Variants in GNAL observed in about 807,000 individuals in gnomAD.
The protein encoded by GNAL is guanine nucleotide-binding protein G(olf) subunit alpha.
Under a neutral mutation model 55.1 loss-of-function variants are expected in GNAL, and 18 were observed. The ratio of observed to expected loss-of-function variants is 0.33; its 90% confidence interval spans 0.23 to 0.48. The LOEUF is 0.48. Ranked by LOEUF, GNAL falls within the 20% of genes least tolerant of loss-of-function variation. GNAL has a pLI of 0.99. For synonymous variants in GNAL, 253 were observed against 237.0 expected (o/e 1.07, Z -0.62); for missense variants, 412 against 614.1 (o/e 0.67, Z 3.48).
chr18:11,873,573 C>A (rs1033251013), intron 10 of GNAL, among the ~76,000 whole-genome samples: 3 of 152,276 alleles, frequency 2.0e-5, no homozygotes, highest in Non-Finnish European at 4.4e-5. Context: ...CAGAGGGTCA[C>A]TCAGCGTGAG....
rs895000581 is a variant in GNAL, at chr18:11,884,957, C to T, written c.*3822C>T. The T allele has an allele frequency of 1.6e-4, 202 of 1,290,476 alleles. No individual in the cohort carries two copies. The highest frequency in any genetic ancestry group is 2.0e-4 in the Non-Finnish European group (196 of 998,524). 79.9% of individuals were successfully genotyped at this position (1,290,476 alleles called of 1,614,324 possible). ...CCATAACAGAGATTCAGAGAGGCACCGTGGAGTTCCAGGGTCATCGGTCAG... is the reference window on the plus strand; with the variant it reads ...CCATAACAGAGATTCAGAGAGGCACTGTGGAGTTCCAGGGTCATCGGTCAG... On this transcript the variant is annotated 3_prime_UTR_variant, in exon 12 of 12. Transcript: ENST00000334049.
At chr18:11,730,362 G>A (rs893782267) in intron 1 of GNAL, among the ~76,000 whole-genome samples, 3 of 151,756 alleles carry the variant, frequency 2.0e-5, no homozygotes, top group Non-Finnish European at 2.9e-5. Context: ...GTTTCCCCAC[G>A]TTGGCCACGC....
chr18:11,818,998 G>A (rs964395526), intron 4 of GNAL, among the ~76,000 whole-genome samples: 6 of 152,222 alleles, frequency 3.9e-5, no homozygotes, highest in Admixed American at 1.3e-4. Context: ...CCCCCAGCAT[G>A]GCGAGTGGGA....
chr18:11,711,740 A>T (rs1326038517), intron 1 of GNAL, among the ~76,000 whole-genome samples: 1 of 151,720 alleles, frequency 6.6e-6, no homozygotes, highest in Non-Finnish European at 1.5e-5. Flanking sequence ...GTTACTGGTG[A>T]TTTGTTTTGT....
intron 4 of GNAL, among the ~76,000 whole-genome samples, chr18:11,777,616 A>G (rs543126486): frequency 1.4e-4 from 21 of 152,208 alleles, no homozygotes; most frequent in Admixed American, 2.6e-4. Flanking sequence ...TTTGCCTGTA[A>G]TGTAATTAGC....
intron 4 of GNAL, among the ~76,000 whole-genome samples, chr18:11,766,360 A>G (rs1293774788): frequency 2.6e-5 from 4 of 152,222 alleles, no homozygotes; most frequent in Non-Finnish European, 5.9e-5. Flanking sequence ...CACTACACAA[A>G]GCAATTCCAT....
At chr18:11,737,440 G>A (rs1487480342) in intron 1 of GNAL, among the ~76,000 whole-genome samples, 1 of 152,084 alleles carries the variant, frequency 6.6e-6, no homozygotes, top group African/African-American at 2.4e-5. Context: ...GGTCTTCCAA[G>A]TCTCTCTGAA....
At chr18:11,776,085 T>A (rs182526354) in intron 4 of GNAL, among the ~76,000 whole-genome samples, 1 of 152,294 alleles carries the variant, frequency 6.6e-6, no homozygotes, top group East Asian at 1.9e-4. Flanking sequence ...AGCTAAAAAA[T>A]CAACAGCATC....
At chr18:11,713,314 C>T (rs2031879942) in intron 1 of GNAL, among the ~76,000 whole-genome samples, 1 of 152,216 alleles carries the variant, frequency 6.6e-6, no homozygotes, top group South Asian at 2.1e-4. Flanking sequence ...CAGATATTCC[C>T]TGATTGGAGG....
intron 4 of GNAL, among the ~76,000 whole-genome samples, chr18:11,768,935 ATT>A (rs1248448756): frequency 7.6e-6 from 1 of 131,384 alleles, no homozygotes; most frequent in Non-Finnish European, 1.6e-5. Flanking sequence ...TATTATATAT[ATT>A]ATATATATTA....
chr18:11,759,215 T>C (rs2033159857), intron 4 of GNAL, among the ~76,000 whole-genome samples: 1 of 152,070 alleles, frequency 6.6e-6, no homozygotes, highest in African/African-American at 2.4e-5. Context: ...AAGAAAAATG[T>C]TGTGGTTGCC....
chr18:11,744,735 G>A (rs572643286), intron 1 of GNAL, among the ~76,000 whole-genome samples: 2 of 152,328 alleles, frequency 1.3e-5, no homozygotes, highest in South Asian at 4.1e-4. Context: ...CTCAGAGACA[G>A]AGTCTCGCTC....
At chr18:11,777,581 T>C (rs950304728) in intron 4 of GNAL, among the ~76,000 whole-genome samples, 9 of 152,248 alleles carry the variant, frequency 5.9e-5, no homozygotes, top group Non-Finnish European at 8.8e-5. Flanking sequence ...GCTTCAAATC[T>C]TAACAGTTAC....
chr18:11,719,039 G>A (rs2032036134), intron 1 of GNAL, among the ~76,000 whole-genome samples: 1 of 152,170 alleles, frequency 6.6e-6, no homozygotes, highest in Non-Finnish European at 1.5e-5. Flanking sequence ...GATGTAAATA[G>A]GAGAGAAGGT....
chr18:11,723,714 A>G (rs2032148751), intron 1 of GNAL, among the ~76,000 whole-genome samples: 1 of 152,134 alleles, frequency 6.6e-6, no homozygotes, highest in African/African-American at 2.4e-5. Context: ...CCCTCCCGTG[A>G]TATCTGAGTG....
chr18:11,751,725 C>A lies in GNAL; in HGVS notation c.377-1128C>A. 1 of 926,928 alleles carries A rather than the reference C, an allele frequency of 1.1e-6. No individual in the cohort carries two copies. 57.4% of individuals were successfully genotyped at this position (926,928 alleles called of 1,614,324 possible). On this transcript the variant is annotated intron_variant, in intron 1 of 11. Coordinates refer to ENST00000334049, the MANE Select transcript of GNAL (RefSeq NM_182978.4). This position sits in a 1 kb window ranked among gnomAD's most constrained non-coding sequence, Gnocchi z 4.5. ...TCAGCGTGTAAGCGCCCCAGCCGGC[C>A]GGGCTCCGTGGGGGGTCAGCTCCCT...
chr18:11,776,641 G>A (rs977428880), intron 4 of GNAL, among the ~76,000 whole-genome samples: 1 of 148,940 alleles, frequency 6.7e-6, no homozygotes, highest in African/African-American at 2.5e-5. Flanking sequence ...CCAGGAGTTT[G>A]AGGCTGCAGT....
intron 1 of GNAL, among the ~76,000 whole-genome samples, chr18:11,700,920 A>G (rs1338349715): frequency 1.3e-5 from 2 of 152,366 alleles, no homozygotes; most frequent in East Asian, 3.9e-4. Flanking sequence ...CACAAGGGAA[A>G]AGGCCATTTT....
rs988844548 is a variant in GNAL, at chr18:11,861,838, T to G, written c.723-557T>G. 6.6e-5 allele frequency among the ~76,000 whole-genome samples: 10 copies of G among 152,164 alleles called. No individual in the cohort carries two copies. In the East Asian group the frequency reaches 1.9e-3, roughly 29 times the overall value. On this transcript the variant is annotated intron_variant, in intron 5 of 11. Transcript: ENST00000334049. ...ACACACTCAAATATGCACACTCACG[T>G]TCTCGCTCTCGCACACTTTCCGCAC...
Sources: allele counts gnomAD v4.1 joint callset (sites outside exome capture counted in the v4.1 genomes callset), GRCh38; gene constraint gnomAD v4.1.1; non-coding constraint Gnocchi (gnomAD v3.1); transcripts MANE v1.5; gene names NCBI Gene and HGNC (gene_info 2026-07-23, HGNC 2026-07-21).